RAD51B: variants seen among roughly 807,000 people sequenced by gnomAD.
RAD51B encodes DNA repair protein RAD51 homolog 2.
RAD51B carries 38 observed loss-of-function variants against 42.2 expected under a neutral mutation model. The observed-to-expected ratio is 0.90, with a 90% CI of 0.70 to 1.18. The LOEUF is 1.18. Ranked by LOEUF, RAD51B falls within the 50% of genes most tolerant of loss-of-function variation. The pLI is 0.00. For missense variants in RAD51B, 373 were observed against 400.7 expected (o/e 0.93, Z 0.59); for synonymous variants, 154 against 145.2 (o/e 1.06, Z -0.43).
intron 10 of RAD51B, among the ~76,000 whole-genome samples, chr14:68,559,327 A>C (rs928172038): frequency 6.6e-6 from 1 of 152,008 alleles, no homozygotes; most frequent in African/African-American, 2.4e-5. Context: ...TGTCATACAT[A>C]TGACACGATA....
intron 7 of RAD51B, among the ~76,000 whole-genome samples, chr14:68,013,223 G>A (rs987210614): frequency 2.0e-5 from 3 of 152,142 alleles, no homozygotes; most frequent in African/African-American, 7.2e-5. Context: ...ACTAGTTTGG[G>A]CTTCCTTAAG....
chr14:68,155,894 A>G (rs1432265873), intron 7 of RAD51B, among the ~76,000 whole-genome samples: 2 of 152,234 alleles, frequency 1.3e-5, no homozygotes, highest in Admixed American at 6.5e-5. Flanking sequence ...TCTATGTGTA[A>G]GATTAGTAAC....
chr14:68,041,100 G>T (rs1189501204), intron 7 of RAD51B, among the ~76,000 whole-genome samples: 1 of 152,152 alleles, frequency 6.6e-6, no homozygotes, highest in Non-Finnish European at 1.5e-5. Context: ...TTGTGATAGT[G>T]AGTGAGTTCT....
chr14:68,420,436 T>A (rs994392365), intron 9 of RAD51B, among the ~76,000 whole-genome samples: 1 of 146,872 alleles, frequency 6.8e-6, no homozygotes, highest in Non-Finnish European at 1.5e-5. Flanking sequence ...TTTTTATGGG[T>A]TTTTTTTTTA....
intron 7 of RAD51B, among the ~76,000 whole-genome samples, chr14:68,048,268 G>A (rs1197968084): frequency 1.2e-4 from 19 of 152,014 alleles, no homozygotes; most frequent in Admixed American, 1.0e-3. Context: ...CATATCCTTC[G>A]CCCACTTTTT....
At chr14:68,176,559 A>T (rs17105085) in intron 7 of RAD51B, among the ~76,000 whole-genome samples, 2,352 of 152,262 alleles carry the variant, frequency 0.015, 67 homozygotes, top group African/African-American at 0.051. Flanking sequence ...GAGGATCATG[A>T]TGTCTGTCAC....
At chr14:67,882,221 C>T (rs2042928800) in intron 5 of RAD51B, among the ~76,000 whole-genome samples, 1 of 152,184 alleles carries the variant, frequency 6.6e-6, no homozygotes. Flanking sequence ...GATCCTCCTG[C>T]CTTGGCCTCC....
chr14:68,500,482 G>A lies in RAD51B; in HGVS notation c.1036+32232G>A, dbSNP rs538077843. Among the ~76,000 whole-genome samples, 4 of 152,342 alleles carry A rather than the reference G, an allele frequency of 2.6e-5. No individual in the cohort carries two copies. In the East Asian group the frequency reaches 7.7e-4, roughly 29 times the overall value. Reference sequence around the variant, plus strand: ...GAGATGGTCGGGCCAGCAGCCCGTAGCACCCAGCTGTCAGATGAGAAAGGA... The same window carrying A: ...GAGATGGTCGGGCCAGCAGCCCGTAACACCCAGCTGTCAGATGAGAAAGGA... On this transcript the variant is annotated intron_variant, in intron 10 of 10. Transcript: ENST00000487270.
chr14:68,324,101 G>A (rs921776958), intron 8 of RAD51B, among the ~76,000 whole-genome samples: 1 of 152,184 alleles, frequency 6.6e-6, no homozygotes, highest in African/African-American at 2.4e-5. Context: ...ACTCACAGGT[G>A]TACATGCTAT....
chr14:68,553,351 C>A (rs959473477), intron 10 of RAD51B, among the ~76,000 whole-genome samples: 1 of 152,200 alleles, frequency 6.6e-6, no homozygotes, highest in Admixed American at 6.5e-5. Flanking sequence ...ATCCTCTCCA[C>A]AAGAGAGATG....
chr14:68,312,519 C>A (rs1249679872), intron 8 of RAD51B, among the ~76,000 whole-genome samples: 1 of 152,128 alleles, frequency 6.6e-6, no homozygotes, highest in Non-Finnish European at 1.5e-5. Context: ...ACAGGTATAA[C>A]CTCCCTTTTT....
At chr14:68,409,549 G>A (rs769911549) in intron 8 of RAD51B, among the ~76,000 whole-genome samples, 10 of 152,214 alleles carry the variant, frequency 6.6e-5, no homozygotes, top group Non-Finnish European at 1.3e-4. Flanking sequence ...AATCAACATG[G>A]TAAAAGGAGA....
intron 7 of RAD51B, among the ~76,000 whole-genome samples, chr14:67,910,384 C>T (rs1348279862): frequency 7.4e-5 from 4 of 54,026 alleles, no homozygotes; most frequent in East Asian, 8.5e-4. Flanking sequence ...CCAGCCTGGG[C>T]GACAGAGCGA....
chr14:68,632,173 C>T (rs998239133), intron 10 of RAD51B, among the ~76,000 whole-genome samples: 7 of 152,070 alleles, frequency 4.6e-5, no homozygotes, highest in Non-Finnish European at 8.8e-5. Context: ...TCTTTGCCTC[C>T]GAGGCCCCCT....
chr14:68,244,678 C>T (rs2080458838), intron 7 of RAD51B, among the ~76,000 whole-genome samples: 1 of 152,216 alleles, frequency 6.6e-6, no homozygotes, highest in African/African-American at 2.4e-5. Context: ...GGCCAATCTA[C>T]TGGAAGGAAT....
intron 8 of RAD51B, among the ~76,000 whole-genome samples, chr14:68,406,975 G>C (rs1280019868): frequency 1.3e-5 from 2 of 151,888 alleles, no homozygotes; most frequent in Non-Finnish European, 1.5e-5. Context: ...AAGTCTTCAG[G>C]GGCAATAACA....
intron 8 of RAD51B, among the ~76,000 whole-genome samples, chr14:68,368,710 T>TG (rs2083192103): frequency 6.6e-6 from 1 of 152,140 alleles, no homozygotes; most frequent in Admixed American, 6.5e-5. Context: ...ACTCTTAAAG[T>TG]GGGGAATGAG....
intron 7 of RAD51B, among the ~76,000 whole-genome samples, chr14:68,222,659 CA>C (rs1212254987): frequency 6.6e-6 from 1 of 151,920 alleles, no homozygotes; most frequent in African/African-American, 2.4e-5. Context: ...CTCTGTTCCC[CA>C]AAAACCTATT....
chr14:68,604,978 G>A (rs904426331), intron 10 of RAD51B, among the ~76,000 whole-genome samples: 1 of 152,040 alleles, frequency 6.6e-6, no homozygotes, highest in Non-Finnish European at 1.5e-5. Context: ...ATAACTGCTG[G>A]CATCAAGCCA....
Sources: allele counts gnomAD v4.1 joint callset (sites outside exome capture counted in the v4.1 genomes callset), GRCh38; gene constraint gnomAD v4.1.1; transcripts MANE v1.5; gene names NCBI Gene and HGNC (gene_info 2026-07-23, HGNC 2026-07-21).